The following GATAD2A variants were observed in gnomAD, a reference collection of about 807,000 sequenced individuals.
The protein encoded by GATAD2A is transcriptional repressor p66-alpha.
In GATAD2A, 12 loss-of-function variants were observed where a neutral mutation model predicts 68.5. That is an observed-to-expected ratio of 0.18 (90% CI 0.11 to 0.28). The LOEUF (loss-of-function observed/expected upper bound fraction) is 0.28. Among genes scored for constraint, GATAD2A ranks in the 10% least tolerant of loss-of-function variants. The probability of loss-of-function intolerance (pLI) is 1.00; values close to 1 mark genes in which losing one functional copy is unlikely to be tolerated. For missense variants in GATAD2A, 755 were observed against 868.5 expected, an observed-to-expected ratio of 0.87 and a Z score of 1.64; for synonymous variants, 410 against 375.3, an observed-to-expected ratio of 1.09 and a Z score of -1.07.
At chr19:19,424,931 TAGTG>T (rs959531429) in intron 1 of GATAD2A, among the ~76,000 whole-genome samples, 4 of 151,722 alleles carry the variant, frequency 2.6e-5, no homozygotes, top group Non-Finnish European at 4.4e-5. Context: ...CTGGGCAACA[TAGTG>T]AGATCCCATC....
chr19:19,445,550 G>A (rs1445432384), intron 1 of GATAD2A, among the ~76,000 whole-genome samples: 1 of 152,084 alleles, frequency 6.6e-6, no homozygotes, highest in East Asian at 1.9e-4. Context: ...AAGAAACCTT[G>A]TCCCCATTAG....
chr19:19,430,791 T>C (rs2147423648), intron 1 of GATAD2A, among the ~76,000 whole-genome samples: 1 of 152,248 alleles, frequency 6.6e-6, no homozygotes, highest in African/African-American at 2.4e-5. Flanking sequence ...AGGCCATGTG[T>C]CCTTTCCTCA....
intron 1 of GATAD2A, among the ~76,000 whole-genome samples, chr19:19,388,122 T>A (rs2048583997): frequency 6.6e-6 from 1 of 151,432 alleles, no homozygotes; most frequent in Admixed American, 6.6e-5. Context: ...AATGGTGTGA[T>A]CTCTGGCTCA....
intron 2 of GATAD2A, among the ~76,000 whole-genome samples, chr19:19,488,657 C>T (rs980732552): frequency 3.3e-5 from 5 of 152,254 alleles, no homozygotes; most frequent in Non-Finnish European, 2.9e-5. Context: ...AACAGAATTT[C>T]TGTGCTTGTG....
rs1162566588 is a variant in GATAD2A at position 19,425,330 on chromosome 19, T to TTTTTTTA, written c.-7+19316_-7+19322dup. ...TGGAGCCTTTTGGGATCCTCCCAAATTTTTTTATTTTGACTGGTCCTGGCC... is the reference window on the plus strand; with the variant it reads ...TGGAGCCTTTTGGGATCCTCCCAAATTTTTTTATTTTTTATTTTGACTGGTCCTGGCC... On this transcript the variant is annotated intron_variant, in intron 1 of 11. Transcript: ENST00000683918. Among the ~76,000 whole-genome samples the TTTTTTTA allele has an allele frequency of 3.3e-5, 5 of 152,224 alleles. No individual in the cohort carries two copies. In the East Asian group the frequency reaches 9.7e-4, roughly 29 times the overall value.
chr19:19,401,945 C>G (rs776864854), upstream of GATAD2A: 1 of 152,088 alleles, frequency 6.6e-6, no homozygotes, highest in African/African-American at 2.4e-5. Flanking sequence ...AGAGTACACT[C>G]GAAAGACCAT....
At chr19:19,405,424 C>A (rs550545910), upstream of GATAD2A, among the ~76,000 whole-genome samples, 134 of 152,298 alleles carry the variant, frequency 8.8e-4, 3 homozygotes, top group African/African-American at 3.0e-3. Flanking sequence ...CCGGCTTTGC[C>A]GCCGGTGAGT....
chr19:19,486,124 G>A (rs950160584), intron 2 of GATAD2A, among the ~76,000 whole-genome samples: 1 of 152,208 alleles, frequency 6.6e-6, no homozygotes, highest in Admixed American at 6.5e-5. Context: ...GACCCAGTCT[G>A]CCCTTGGGGG....
chr19:19,409,619 G>C (rs1235115081), intron 1 of GATAD2A, among the ~76,000 whole-genome samples: 1 of 152,100 alleles, frequency 6.6e-6, no homozygotes, highest in African/African-American at 2.4e-5. Context: ...ACTGTGCAAA[G>C]GTATGTCTTT....
At chr19:19,450,002 C>A (rs1038401534) in intron 1 of GATAD2A, among the ~76,000 whole-genome samples, 1 of 148,416 alleles carries the variant, frequency 6.7e-6, no homozygotes, top group Non-Finnish European at 1.5e-5. Context: ...GTTGCCCAGG[C>A]TGGTCTTGAG....
In GATAD2A at chr19:19,492,856, T is replaced by C. The variant is rs892788006; in HGVS notation, c.534+144T>C. On this transcript the variant is annotated intron_variant, in intron 4 of 11. Coordinates refer to ENST00000683918, the MANE Select transcript of GATAD2A (RefSeq NM_001384528.1). ...AGGTCCCACTCCCGCATTTGTGGACTCCAGTGTGCATTTTGGATTCAGCTT... is the reference window on the plus strand; with the variant it reads ...AGGTCCCACTCCCGCATTTGTGGACCCCAGTGTGCATTTTGGATTCAGCTT... The C allele has an allele frequency of 8.6e-6, 6 of 700,172 alleles. No homozygotes were observed. The Admixed American group carries it at 1.1e-4, about 13-fold the overall frequency. 43.4% of individuals were successfully genotyped at this position (700,172 alleles called of 1,614,324 possible).
At chr19:19,446,354 T>C (rs374976926) in intron 1 of GATAD2A, among the ~76,000 whole-genome samples, 5 of 152,166 alleles carry the variant, frequency 3.3e-5, no homozygotes, top group African/African-American at 1.2e-4. Flanking sequence ...TCTGTTCAAG[T>C]CTTTTGGCTG....
At chr19:19,457,266 T>C (rs954970013) in intron 1 of GATAD2A, 3 of 983,752 alleles carry the variant, frequency 3.0e-6, no homozygotes, top group Non-Finnish European at 3.6e-6. Flanking sequence ...TCATACCTTC[T>C]GGCTGCAGGT....
chr19:19,418,640 A>G (rs1005430830), intron 1 of GATAD2A, among the ~76,000 whole-genome samples: 7 of 152,148 alleles, frequency 4.6e-5, no homozygotes, highest in African/African-American at 1.7e-4. Context: ...TTCCAGAAAG[A>G]CCCAGAGCGA....
upstream of GATAD2A, among the ~76,000 whole-genome samples, chr19:19,404,681 T>A (rs2050029834): frequency 6.6e-6 from 1 of 151,806 alleles, no homozygotes; most frequent in Non-Finnish European, 1.5e-5. Context: ...AGACTCTGTC[T>A]CCAAAAAAAA....
chr19:19,445,546 C>T (rs2055606105), intron 1 of GATAD2A, among the ~76,000 whole-genome samples: 1 of 152,164 alleles, frequency 6.6e-6, no homozygotes, highest in African/African-American at 2.4e-5. Flanking sequence ...CCAAAAGAAA[C>T]CTTGTCCCCA....
chr19:19,447,525 G>A (rs1335728596), intron 1 of GATAD2A, among the ~76,000 whole-genome samples: 3 of 152,230 alleles, frequency 2.0e-5, no homozygotes, highest in African/African-American at 7.2e-5. Flanking sequence ...CCCCTGAGGG[G>A]AAGAGTTCCA....
At chr19:19,492,743 C>T in intron 4 of GATAD2A, 31 bp downstream of exon 4, 1 of 1,611,636 alleles carries the variant, frequency 6.2e-7, no homozygotes, top group Non-Finnish European at 8.5e-7. Context: ...CTTCCTGGGC[C>T]AGCAGGAGCG....
At chr19:19,414,370 C>T (rs1440144670) in intron 1 of GATAD2A, among the ~76,000 whole-genome samples, 1 of 152,004 alleles carries the variant, frequency 6.6e-6, no homozygotes, top group East Asian at 1.9e-4. Context: ...GGTTGACTTG[C>T]AGAAGGAATG....
Sources: allele counts gnomAD v4.1 joint callset (sites outside exome capture counted in the v4.1 genomes callset), GRCh38; gene constraint gnomAD v4.1.1; transcripts MANE v1.5; gene names NCBI Gene and HGNC (gene_info 2026-07-23, HGNC 2026-07-21).